The following WDFY4 variants were observed in gnomAD, a reference collection of about 807,000 sequenced individuals.
WDFY4 encodes WDFY family member 4.
Under a neutral mutation model 351.9 loss-of-function variants are expected in WDFY4, and 169 were observed. The observed-to-expected ratio is 0.48, with a 90% CI of 0.42 to 0.55. The LOEUF (loss-of-function observed/expected upper bound fraction) is 0.55. WDFY4 is among the 20% of genes least tolerant of loss of function. The pLI, the probability that WDFY4 is intolerant of heterozygous loss-of-function variation, is 0.00. For missense variants in WDFY4, 3,803 were observed against 3,935.6 expected (o/e 0.97, Z 0.90); for synonymous variants, 1,622 against 1,574.6 (o/e 1.03, Z -0.71).
intron 19 of WDFY4, 70 bp downstream of exon 19, chr10:48,780,189 G>A (rs2066173169): frequency 1.5e-5 from 22 of 1,494,686 alleles, no homozygotes; most frequent in Non-Finnish European, 1.9e-5. Flanking sequence ...AAGTGGCCTC[G>A]GTTTCATTCT....
At chr10:48,935,807 C>T (rs1481996373) in intron 47 of WDFY4, among the ~76,000 whole-genome samples, 3 of 152,126 alleles carry the variant, frequency 2.0e-5, no homozygotes, top group Non-Finnish European at 4.4e-5. Context: ...CCTGAATGAA[C>T]ACACAGCAGT....
At chr10:48,808,617 A>G (rs1015605822) in intron 28 of WDFY4, among the ~76,000 whole-genome samples, 1 of 152,222 alleles carries the variant, frequency 6.6e-6, no homozygotes, top group Non-Finnish European at 1.5e-5. Flanking sequence ...CTGTATATGC[A>G]TCTGGGCTTG....
chr10:48,718,614 A>G (rs1253481943), intron 2 of WDFY4, among the ~76,000 whole-genome samples: 1 of 152,212 alleles, frequency 6.6e-6, no homozygotes, highest in Non-Finnish European at 1.5e-5. Flanking sequence ...TCCTGGTGGG[A>G]ACTAGGCACA....
chr10:48,799,533 A>G (rs55768649), intron 24 of WDFY4, among the ~76,000 whole-genome samples: 18,638 of 140,922 alleles, frequency 0.13, 1,353 homozygotes, highest in African/African-American at 0.25. Context: ...TCCCAGCACG[A>G]AGAGGCCGAG....
intron 39 of WDFY4, among the ~76,000 whole-genome samples, chr10:48,858,149 A>G (rs1285648021): frequency 6.6e-6 from 1 of 152,142 alleles, no homozygotes; most frequent in Non-Finnish European, 1.5e-5. Flanking sequence ...CCTTTGATGG[A>G]TATGTGTCTT....
chr10:48,813,954 C>A lies in WDFY4; in HGVS notation c.5215-3C>A. ...TGCTTACAGCTCCTGCCTCCTCTTC[C>A]AGGACAGCCTTGATGCCATGCTTCA... On this transcript the variant is annotated splice_polypyrimidine_tract_variant and splice_region_variant and intron_variant, in intron 30 of 61. Transcript: ENST00000325239. 6.5e-7 allele frequency: 1 copy of A among 1,536,396 alleles called. No homozygotes were observed.
At chr10:48,844,010 G>A (rs2068693387) in intron 39 of WDFY4, among the ~76,000 whole-genome samples, 1 of 152,194 alleles carries the variant, frequency 6.6e-6, no homozygotes, top group African/African-American at 2.4e-5. Context: ...CCCTCCTGAG[G>A]CACTGCTGCC....
At chr10:48,868,354 A>G (rs1329840467) in intron 40 of WDFY4, among the ~76,000 whole-genome samples, 1 of 152,168 alleles carries the variant, frequency 6.6e-6, no homozygotes, top group African/African-American at 2.4e-5. Flanking sequence ...GGATGTGATC[A>G]TGGCTGTGAT....
chr10:48,880,743 A>T (rs990696756), intron 43 of WDFY4, among the ~76,000 whole-genome samples: 4 of 152,146 alleles, frequency 2.6e-5, no homozygotes, highest in African/African-American at 9.7e-5. Context: ...AGATGTCTCT[A>T]TGCATTTTAT....
chr10:48,913,796 G>A (rs752094275), intron 47 of WDFY4: 4 of 1,614,136 alleles, frequency 2.5e-6, no homozygotes, highest in East Asian at 2.2e-5. Flanking sequence ...GGATGTTCTT[G>A]AGTTGCTTCA....
chr10:48,837,378 C>T (rs1269814516), intron 39 of WDFY4, among the ~76,000 whole-genome samples: 2 of 152,082 alleles, frequency 1.3e-5, no homozygotes, highest in Non-Finnish European at 2.9e-5. Context: ...CCTAGACACT[C>T]ATGTTTACCT....
At chr10:48,926,722 A>T (rs1265575570) in intron 47 of WDFY4, among the ~76,000 whole-genome samples, 2 of 152,236 alleles carry the variant, frequency 1.3e-5, no homozygotes, top group Admixed American at 1.3e-4. Context: ...TGTTAATGAT[A>T]TTTTAATAGC....
At chr10:48,954,268 G>C (rs928010041) in intron 51 of WDFY4, among the ~76,000 whole-genome samples, 2 of 152,220 alleles carry the variant, frequency 1.3e-5, no homozygotes, top group Non-Finnish European at 2.9e-5. Context: ...CTCTAGGCTT[G>C]GCTGGCTCCA....
chr10:48,875,103 A>G lies in WDFY4; in HGVS notation c.6963A>G (p.Lys2321=). 6.7e-7 allele frequency: 1 copy of G among 1,490,126 alleles called. No homozygotes were observed. Among genetic ancestry groups the G allele is most frequent in the Non-Finnish European group, 8.9e-7 (1 of 1,117,826 alleles). The allele number at this position is 1,490,126 out of a possible 1,614,324, so 92.3% of individuals were successfully genotyped here. Residue 2321 remains lysine, a synonymous_variant, in exon 42 of 62, where the codon AAA becomes AAG. Coordinates refer to ENST00000325239, the MANE Select transcript of WDFY4 (RefSeq NM_001394531.1). ...SSGRHKESQD[K]NDHISQTNAE... ...CCTTATTTCAGGAAAGCCAAGACAA[A>G]AATGATCATATTTCTCAAACAAATG...
intron 35 of WDFY4, 72 bp downstream of exon 35, chr10:48,822,609 T>C (rs2067862034): frequency 7.3e-7 from 1 of 1,373,342 alleles, no homozygotes; most frequent in Non-Finnish European, 9.5e-7. Context: ...TCCAGTTGGT[T>C]CCACTGGATC....
intron 13 of WDFY4, among the ~76,000 whole-genome samples, chr10:48,767,895 T>C (rs17781441): frequency 0.15 from 23,085 of 152,028 alleles, 2,184 homozygotes; most frequent in East Asian, 0.38. Context: ...GGCACAGACA[T>C]GTCCACTTCC....
At chr10:48,911,510 G>T (rs188266378) in intron 47 of WDFY4, among the ~76,000 whole-genome samples, 20 of 152,262 alleles carry the variant, frequency 1.3e-4, no homozygotes, top group Admixed American at 4.6e-4. Flanking sequence ...AGTGAAAACT[G>T]AAAATAACTT....
At chr10:48,903,498 T>A (rs1589841624) in intron 47 of WDFY4, among the ~76,000 whole-genome samples, 2 of 152,194 alleles carry the variant, frequency 1.3e-5, no homozygotes, top group Admixed American at 1.3e-4. Context: ...AAAGCAAAGA[T>A]AATATGATGT....
At chr10:48,691,598 A>G (rs1565095458) in intron 1 of WDFY4, among the ~76,000 whole-genome samples, 2 of 152,340 alleles carry the variant, frequency 1.3e-5, no homozygotes, top group East Asian at 3.9e-4. Context: ...CAGTGGCCGT[A>G]CCAGACTTCC....
Sources: allele counts gnomAD v4.1 joint callset (sites outside exome capture counted in the v4.1 genomes callset), GRCh38; gene constraint gnomAD v4.1.1; transcripts MANE v1.5; gene names NCBI Gene and HGNC (gene_info 2026-07-23, HGNC 2026-07-21).